The following UNC5D variants were observed in gnomAD, a reference collection of about 807,000 sequenced individuals.
The protein encoded by UNC5D is unc-5 netrin receptor D.
In UNC5D, 39 loss-of-function variants were observed where a neutral mutation model predicts 105.4. The ratio of observed to expected loss-of-function variants is 0.37; its 90% CI spans 0.29 to 0.48. The LOEUF is 0.48. Ranked by LOEUF, UNC5D falls within the 20% of genes least tolerant of loss-of-function variation. UNC5D has a pLI of 0.98. For missense variants in UNC5D, 991 were observed against 1,202.4 expected (o/e 0.82, Z 2.60); for synonymous variants, 452 against 450.4 (o/e 1.00, Z -0.04).
At chr8:35,707,610 G>A (rs1022539040) in intron 8 of UNC5D, among the ~76,000 whole-genome samples, 1 of 152,188 alleles carries the variant, frequency 6.6e-6, no homozygotes, top group Admixed American at 6.5e-5. Context: ...GGTGCATGCT[G>A]TCCACTGATT....
intron 1 of UNC5D, among the ~76,000 whole-genome samples, chr8:35,340,918 C>A (rs1395916562): frequency 6.6e-6 from 1 of 152,106 alleles, no homozygotes; most frequent in Non-Finnish European, 1.5e-5. Flanking sequence ...TTTCAGAAAT[C>A]TAATCTGAAT....
At chr8:35,702,940 CTCTGTAGAATG>C (rs1463904704) in intron 7 of UNC5D, among the ~76,000 whole-genome samples, 1 of 152,072 alleles carries the variant, frequency 6.6e-6, no homozygotes, top group Admixed American at 6.5e-5. Flanking sequence ...ATAATTTTTA[CTCTGTAGAATG>C]TCTTTGGTTG....
At chr8:35,607,997 A>AT (rs1563586023) in intron 4 of UNC5D, among the ~76,000 whole-genome samples, 1 of 152,118 alleles carries the variant, frequency 6.6e-6, no homozygotes. Flanking sequence ...GACACCAGCC[A>AT]TTAGACTATG....
chr8:35,340,734 T>G (rs1024028287), intron 1 of UNC5D, among the ~76,000 whole-genome samples: 2 of 152,110 alleles, frequency 1.3e-5, no homozygotes, highest in African/African-American at 4.8e-5. Flanking sequence ...TTGAGGACCT[T>G]AAAGTTGAGA....
At chr8:35,372,174 A>G (rs1302929668) in intron 1 of UNC5D, among the ~76,000 whole-genome samples, 8 of 152,026 alleles carry the variant, frequency 5.3e-5, no homozygotes, top group Non-Finnish European at 1.0e-4. Flanking sequence ...CCTAGGCTGG[A>G]GTGGAGTGGT....
At chr8:35,441,773 C>A (rs1337720231) in intron 1 of UNC5D, among the ~76,000 whole-genome samples, 3 of 151,316 alleles carry the variant, frequency 2.0e-5, no homozygotes, top group Non-Finnish European at 4.4e-5. Context: ...AGAGTCTATA[C>A]TAGATCTTAC....
chr8:35,592,940 C>G (rs1319151802), intron 3 of UNC5D, among the ~76,000 whole-genome samples: 3 of 151,708 alleles, frequency 2.0e-5, no homozygotes, highest in Non-Finnish European at 4.4e-5. Flanking sequence ...TTGGATTGGC[C>G]TTTTCTTCTA....
At chr8:35,557,330 G>A (rs1350716142) in intron 2 of UNC5D, among the ~76,000 whole-genome samples, 1 of 152,136 alleles carries the variant, frequency 6.6e-6, no homozygotes, top group Non-Finnish European at 1.5e-5. Flanking sequence ...TGAGGAATAC[G>A]TGGAGTGCTT....
chr8:35,389,573 A>G (rs1053481642), intron 1 of UNC5D, among the ~76,000 whole-genome samples: 7 of 152,280 alleles, frequency 4.6e-5, no homozygotes, highest in Non-Finnish European at 4.4e-5. Flanking sequence ...CTTTTATAAA[A>G]AACAAGAAAG....
intron 4 of UNC5D, among the ~76,000 whole-genome samples, chr8:35,670,124 G>T (rs1824682389): frequency 6.6e-6 from 1 of 152,014 alleles, no homozygotes. Context: ...AGAATATATG[G>T]TATTATAAAA....
At chr8:35,346,490 A>G (rs1293007625) in intron 1 of UNC5D, among the ~76,000 whole-genome samples, 1 of 152,022 alleles carries the variant, frequency 6.6e-6, no homozygotes, top group Non-Finnish European at 1.5e-5. Flanking sequence ...AACAGGGTTA[A>G]TTGTCAAAAG....
Position 35,722,295 on chromosome 8 carries a change from C to T in UNC5D, c.1203C>T (p.Thr401=). ...VAVAVLVIGV[T]LYRRSQSDYG... is the part of the protein sequence containing the mutation. ...TTGCAGTCCTGGTCATTGGTGTCAC[C>T]CTTTACAGACGGAGCCAGAGTGACT... Residue 401 remains threonine (T), a synonymous_variant, in exon 9 of 17, where the codon ACC becomes ACT. Coordinates refer to ENST00000404895, the MANE Select transcript of UNC5D (RefSeq NM_080872.4). The T allele has an allele frequency of 6.2e-7, 1 of 1,614,102 alleles. No individual in the cohort carries two copies. The highest frequency in any genetic ancestry group is 1.7e-5 in the Admixed American group (1 of 60,016).
intron 1 of UNC5D, among the ~76,000 whole-genome samples, chr8:35,239,828 C>T (rs1250965643): frequency 6.6e-6 from 1 of 152,164 alleles, no homozygotes; most frequent in South Asian, 2.1e-4. Context: ...ATTTCTATTT[C>T]ATTCTTAGTC....
At chr8:35,645,046 C>T (rs529997822) in intron 4 of UNC5D, among the ~76,000 whole-genome samples, 4 of 152,122 alleles carry the variant, frequency 2.6e-5, no homozygotes, top group East Asian at 1.9e-4. Context: ...GACTTTTGGG[C>T]AGGGCGGTTG....
At chr8:35,278,212 C>T (rs1363646300) in intron 1 of UNC5D, among the ~76,000 whole-genome samples, 3 of 152,154 alleles carry the variant, frequency 2.0e-5, no homozygotes, top group Non-Finnish European at 4.4e-5. Context: ...CGCCCAGATG[C>T]ACTGGGAAAG....
intron 1 of UNC5D, among the ~76,000 whole-genome samples, chr8:35,423,626 C>CT (rs1806054719): frequency 6.6e-6 from 1 of 152,054 alleles, no homozygotes; most frequent in African/African-American, 2.4e-5. Context: ...GCAAGTACTG[C>CT]TTGATTGTTA....
At chr8:35,297,279 GATTA>G (rs1447035798) in intron 1 of UNC5D, among the ~76,000 whole-genome samples, 2 of 152,082 alleles carry the variant, frequency 1.3e-5, no homozygotes, top group African/African-American at 4.8e-5. Context: ...TTGGTTATTG[GATTA>G]ATTATTAAAG....
chr8:35,625,474 A>G (rs984737968), intron 4 of UNC5D, among the ~76,000 whole-genome samples: 3 of 152,258 alleles, frequency 2.0e-5, no homozygotes, highest in African/African-American at 4.8e-5. Context: ...AGTTGCAAGT[A>G]TCACTAAAGC....
intron 1 of UNC5D, among the ~76,000 whole-genome samples, chr8:35,515,627 G>A (rs956599122): frequency 3.3e-5 from 5 of 152,330 alleles, no homozygotes; most frequent in African/African-American, 1.2e-4. Flanking sequence ...GGAAGTTGCA[G>A]TGAGCCAAGA....
Sources: allele counts gnomAD v4.1 joint callset (sites outside exome capture counted in the v4.1 genomes callset), GRCh38; gene constraint gnomAD v4.1.1; transcripts MANE v1.5; gene names NCBI Gene and HGNC (gene_info 2026-07-23, HGNC 2026-07-21).